LRBA: variants seen among roughly 807,000 people sequenced by gnomAD.
LRBA encodes lipopolysaccharide-responsive and beige-like anchor protein.
Under a neutral mutation model 330.0 loss-of-function variants are expected in LRBA, and 176 were observed. The observed-to-expected ratio is 0.53, with a 90% CI of 0.47 to 0.60. The LOEUF (loss-of-function observed/expected upper bound fraction) is 0.60, where lower values mean the gene tolerates loss of function less well. LRBA is among the 20% of genes least tolerant of loss of function. LRBA has a pLI of 0.00. For missense variants in LRBA, 3,259 were observed against 3,444.8 expected (o/e 0.95, Z 1.35); for synonymous variants, 1,230 against 1,193.0 (o/e 1.03, Z -0.64).
At chr4:150,315,385 G>A in intron 51 of LRBA, 176 bp downstream of exon 51, 2 of 659,272 alleles carry the variant, frequency 3.0e-6, no homozygotes, top group South Asian at 1.8e-5. Flanking sequence ...ACCAACGAGG[G>A]GGAGTTGATG....
intron 34 of LRBA, among the ~76,000 whole-genome samples, chr4:150,795,934 A>C (rs888681048): frequency 6.6e-6 from 1 of 152,060 alleles, no homozygotes; most frequent in African/African-American, 2.4e-5. Flanking sequence ...GCTGATTGTC[A>C]TGAAATTAAC....
chr4:150,427,433 T>C (rs1232901486), intron 46 of LRBA, among the ~76,000 whole-genome samples: 2 of 152,084 alleles, frequency 1.3e-5, no homozygotes, highest in South Asian at 2.1e-4. Context: ...AACCTACTGA[T>C]ACTTGAAGAA....
intron 49 of LRBA, among the ~76,000 whole-genome samples, chr4:150,323,483 T>C (rs1238313116): frequency 6.6e-6 from 1 of 152,024 alleles, no homozygotes; most frequent in East Asian, 1.9e-4. Flanking sequence ...ACAAAAAAAA[T>C]CTCTCATGTG....
intron 40 of LRBA, among the ~76,000 whole-genome samples, chr4:150,556,527 G>T (rs1436063894): frequency 6.6e-6 from 1 of 152,166 alleles, no homozygotes; most frequent in African/African-American, 2.4e-5. Flanking sequence ...TACACAGAAT[G>T]TGAATACCTT....
At chr4:150,769,980 A>G (rs1431232592) in intron 34 of LRBA, among the ~76,000 whole-genome samples, 1 of 152,214 alleles carries the variant, frequency 6.6e-6, no homozygotes, top group African/African-American at 2.4e-5. Context: ...AGCTGATAAA[A>G]CATGATTTCT....
chr4:150,551,121 G>C (rs546096354), intron 40 of LRBA, among the ~76,000 whole-genome samples: 76 of 152,186 alleles, frequency 5.0e-4, no homozygotes, highest in African/African-American at 1.8e-3. Flanking sequence ...ATGGAGCTTA[G>C]ACCCCTCTTG....
chr4:150,983,883 T>C (rs1331899666), intron 2 of LRBA, among the ~76,000 whole-genome samples: 3 of 152,222 alleles, frequency 2.0e-5, no homozygotes, highest in Non-Finnish European at 4.4e-5. Context: ...CATACTCACC[T>C]TTCTACCAGA....
At chr4:150,474,685 A>G (rs1756520872) in intron 42 of LRBA, among the ~76,000 whole-genome samples, 1 of 152,096 alleles carries the variant, frequency 6.6e-6, no homozygotes, top group Non-Finnish European at 1.5e-5. Context: ...TATACTTTTC[A>G]TTGTACAAAT....
chr4:150,524,873 T>C (rs1763293414), intron 40 of LRBA, among the ~76,000 whole-genome samples: 1 of 152,192 alleles, frequency 6.6e-6, no homozygotes, highest in Admixed American at 6.5e-5. Context: ...TTCTGAATTC[T>C]AATCTCGCAA....
chr4:150,744,786 C>T (rs1160124335), intron 35 of LRBA, among the ~76,000 whole-genome samples: 1 of 152,174 alleles, frequency 6.6e-6, no homozygotes, highest in African/African-American at 2.4e-5. Flanking sequence ...ATGATCCCAA[C>T]CCCTTGAGTT....
At chr4:150,703,271 C>T (rs1785291525) in intron 36 of LRBA, among the ~76,000 whole-genome samples, 2 of 152,196 alleles carry the variant, frequency 1.3e-5, no homozygotes, top group South Asian at 2.1e-4. Flanking sequence ...TTCTTACTTG[C>T]TGTATCTACT....
chr4:150,987,875 G>A (rs538885701), intron 2 of LRBA, among the ~76,000 whole-genome samples: 1 of 151,520 alleles, frequency 6.6e-6, no homozygotes, highest in South Asian at 2.1e-4. Flanking sequence ...CCTGGTGAGC[G>A]GCTGTAATAC....
intron 2 of LRBA, among the ~76,000 whole-genome samples, chr4:150,975,879 AGGCCGGGCGCAGT>A (rs1740108526): frequency 6.6e-6 from 1 of 152,116 alleles, no homozygotes; most frequent in Admixed American, 6.5e-5. Flanking sequence ...AGGAGAGTAG[AGGCCGGGCGCAGT>A]GGCTCACGCC....
At chr4:150,462,592 C>G (rs1215166583) in intron 44 of LRBA, among the ~76,000 whole-genome samples, 1 of 151,654 alleles carries the variant, frequency 6.6e-6, no homozygotes, top group Non-Finnish European at 1.5e-5. Flanking sequence ...AGAGAATTCC[C>G]AGTGCAACAT....
chr4:150,927,356 G>C (rs896533113), intron 4 of LRBA, among the ~76,000 whole-genome samples: 8 of 145,644 alleles, frequency 5.5e-5, no homozygotes, highest in African/African-American at 2.0e-4. Context: ...CTGGGCAACA[G>C]AGCGAGACTC....
chr4:150,911,598 G>C, intron 9 of LRBA, among the ~76,000 whole-genome samples: 1 of 152,014 alleles, frequency 6.6e-6, no homozygotes, highest in Non-Finnish European at 1.5e-5. Context: ...CAATTTCTTA[G>C]TATTTTATTG....
chr4:150,498,621 T>C (rs549100186), intron 40 of LRBA, among the ~76,000 whole-genome samples: 3 of 152,290 alleles, frequency 2.0e-5, no homozygotes, highest in African/African-American at 4.8e-5. Flanking sequence ...AGCTGGGTGA[T>C]AAATTTGTAG....
At chr4:150,825,702 T>G in intron 30 of LRBA, among the ~76,000 whole-genome samples, 1 of 152,096 alleles carries the variant, frequency 6.6e-6, no homozygotes, top group South Asian at 2.1e-4. Context: ...TTCTCATATA[T>G]TTTTCATCAT....
At chr4:150,398,956 T>C (rs1745116458) in intron 47 of LRBA, among the ~76,000 whole-genome samples, 2 of 152,142 alleles carry the variant, frequency 1.3e-5, no homozygotes, top group Admixed American at 6.6e-5. Context: ...GAAAATTCCA[T>C]CCTATACTGC....
Sources: allele counts gnomAD v4.1 joint callset (sites outside exome capture counted in the v4.1 genomes callset), GRCh38; gene constraint gnomAD v4.1.1; transcripts MANE v1.5; gene names NCBI Gene and HGNC (gene_info 2026-07-23, HGNC 2026-07-21).